Variants in PCDH9 observed in about 807,000 individuals in gnomAD.
PCDH9 encodes the protein protocadherin 9.
PCDH9 carries 24 observed loss-of-function variants against 70.6 expected under a neutral mutation model. That is an observed-to-expected ratio of 0.34 (90% CI 0.25 to 0.48). The LOEUF is 0.48. Among genes scored for constraint, PCDH9 ranks in the 20% least tolerant of loss-of-function variants. The probability of loss-of-function intolerance (pLI) is 0.99; values close to 1 mark genes in which losing one functional copy is unlikely to be tolerated. For synonymous variants in PCDH9, 562 were observed against 558.5 expected, an observed-to-expected ratio of 1.01 and a Z score of -0.09; for missense variants, 1,281 against 1,503.6, an observed-to-expected ratio of 0.85 and a Z score of 2.45.
At chr13:66,639,905 A>G (rs560456225) in intron 3 of PCDH9, among the ~76,000 whole-genome samples, 2 of 152,204 alleles carry the variant, frequency 1.3e-5, no homozygotes, top group Non-Finnish European at 2.9e-5. Flanking sequence ...CACACGAAAT[A>G]TAAAATGACT....
rs538551872 is a variant in PCDH9 at position 66,793,028 on chromosome 13, T to C, written c.3138+110476A>G. 1.2e-4 allele frequency among the ~76,000 whole-genome samples: 19 copies of C among 152,206 alleles called. No individual in the cohort carries two copies. In the East Asian group the frequency reaches 2.1e-3, roughly 17 times the overall value. On this transcript the variant is annotated intron_variant, in intron 3 of 4. Transcript: ENST00000377865. ...TTGGATTACATCATGGTAAGATTCT[T>C]TGTGAACCAGAACAAACAGAAATTA...
chr13:66,498,889 C>G (rs1379373381), intron 4 of PCDH9, among the ~76,000 whole-genome samples: 1 of 151,190 alleles, frequency 6.6e-6, no homozygotes, highest in Non-Finnish European at 1.5e-5. Context: ...TTTTCACCAA[C>G]AGAATTGAAA....
chr13:66,656,855 G>A (rs1188726795), intron 3 of PCDH9, among the ~76,000 whole-genome samples: 1 of 152,138 alleles, frequency 6.6e-6, no homozygotes, highest in East Asian at 1.9e-4. Flanking sequence ...TGAAAGATTT[G>A]GGTATTTACC....
intron 2 of PCDH9, among the ~76,000 whole-genome samples, chr13:67,048,910 G>A (rs574127288): frequency 1.6e-4 from 24 of 152,272 alleles, no homozygotes; most frequent in Admixed American, 3.3e-4. Context: ...TGAGTTAAAA[G>A]CAAAACTGCT....
intron 2 of PCDH9, among the ~76,000 whole-genome samples, chr13:66,998,078 G>A (rs2084159305): frequency 6.6e-6 from 1 of 152,132 alleles, no homozygotes; most frequent in Admixed American, 6.6e-5. Flanking sequence ...AGTGATATGA[G>A]AAAATTTTAT....
chr13:66,985,832 C>G (rs1300844021), intron 2 of PCDH9: 2 of 152,002 alleles, frequency 1.3e-5, no homozygotes, highest in Non-Finnish European at 2.9e-5. Flanking sequence ...AATTTCAATG[C>G]AACGCTGCAC....
intron 3 of PCDH9, among the ~76,000 whole-genome samples, chr13:66,665,977 A>G (rs1357496304): frequency 6.6e-6 from 1 of 152,218 alleles, no homozygotes. Context: ...TTTCTCCTTC[A>G]GGCCCATTTC....
chr13:67,047,535 A>G (rs969804948), intron 2 of PCDH9, among the ~76,000 whole-genome samples: 1 of 152,088 alleles, frequency 6.6e-6, no homozygotes, highest in African/African-American at 2.4e-5. Context: ...CTCTCTGTGA[A>G]TGTTTTATTT....
At chr13:66,837,137 G>A (rs903514552) in intron 3 of PCDH9, among the ~76,000 whole-genome samples, 2 of 152,124 alleles carry the variant, frequency 1.3e-5, no homozygotes, top group East Asian at 3.9e-4. Flanking sequence ...AAGGTCAACT[G>A]CTTCAGCTTG....
chr13:66,938,220 AAAAAGT>A (rs1163699240), intron 2 of PCDH9, among the ~76,000 whole-genome samples: 1 of 152,226 alleles, frequency 6.6e-6, no homozygotes. Flanking sequence ...TATCATTAGG[AAAAAGT>A]AAAAGAAGAA....
intron 4 of PCDH9, among the ~76,000 whole-genome samples, chr13:66,439,715 A>G (rs906555662): frequency 6.6e-6 from 1 of 152,150 alleles, no homozygotes; most frequent in African/African-American, 2.4e-5. Flanking sequence ...CATATAATTT[A>G]TTTATGGTGT....
intron 3 of PCDH9, among the ~76,000 whole-genome samples, chr13:66,750,537 GCCAAT>G: frequency 6.6e-6 from 1 of 151,768 alleles, no homozygotes; most frequent in South Asian, 2.1e-4. Flanking sequence ...ACAATGCAAA[GCCAAT>G]CTCTCACTCT....
At chr13:67,174,480 T>C (rs2088391412) in intron 2 of PCDH9, among the ~76,000 whole-genome samples, 1 of 152,156 alleles carries the variant, frequency 6.6e-6, no homozygotes, top group Admixed American at 6.5e-5. Flanking sequence ...TATAGCAAAT[T>C]TATCTGTTCA....
intron 3 of PCDH9, among the ~76,000 whole-genome samples, chr13:66,828,486 CACTT>C (rs1953702010): frequency 6.6e-6 from 1 of 152,114 alleles, no homozygotes. Context: ...TTAATTGTGT[CACTT>C]AATTGACTTT....
At chr13:67,120,650 C>T (rs991984957) in intron 2 of PCDH9, among the ~76,000 whole-genome samples, 3 of 152,102 alleles carry the variant, frequency 2.0e-5, no homozygotes, top group African/African-American at 7.2e-5. Flanking sequence ...CACATTCTAT[C>T]AGTTGTTTAG....
intron 2 of PCDH9, among the ~76,000 whole-genome samples, chr13:67,056,037 C>T (rs967028216): frequency 3.3e-5 from 5 of 152,106 alleles, no homozygotes; most frequent in Admixed American, 1.3e-4. Flanking sequence ...TAGAAGACAA[C>T]ATGCAAAAAT....
intron 4 of PCDH9, among the ~76,000 whole-genome samples, chr13:66,401,778 T>A (rs1451881221): frequency 6.6e-6 from 1 of 152,044 alleles, no homozygotes; most frequent in Non-Finnish European, 1.5e-5. Flanking sequence ...CCTGCCCAAC[T>A]ACTCAGATTG....
At chr13:66,451,781 CAT>C (rs1325472561) in intron 4 of PCDH9, among the ~76,000 whole-genome samples, 1 of 152,176 alleles carries the variant, frequency 6.6e-6, no homozygotes, top group Non-Finnish European at 1.5e-5. Context: ...ATACTATTAA[CAT>C]ATGGAAAATT....
intron 3 of PCDH9, among the ~76,000 whole-genome samples, chr13:66,670,901 G>A (rs2078164964): frequency 8.0e-6 from 1 of 124,756 alleles, no homozygotes; most frequent in Non-Finnish European, 1.6e-5. Context: ...TAACATGACT[G>A]TGTTCTTATT....
Sources: gnomAD v4.1 joint callset for allele counts (sites outside exome capture counted in the v4.1 genomes callset) on GRCh38, gnomAD v4.1.1 for gene constraint, MANE v1.5 for transcripts, NCBI Gene and HGNC (gene_info 2026-07-23, HGNC 2026-07-21) for gene names.